The following CSGALNACT1 variants were observed in gnomAD, a reference collection of about 807,000 sequenced individuals.
CSGALNACT1 encodes beta4GalNAcT-1.
A neutral mutation model predicts 51.0 loss-of-function variants in CSGALNACT1; 52 were observed. That is an observed-to-expected ratio of 1.02 (90% CI 0.82 to 1.29). The LOEUF (loss-of-function observed/expected upper bound fraction) is 1.29. CSGALNACT1 is among the 50% of genes most tolerant of loss of function. The probability of loss-of-function intolerance (pLI) is 0.00; values close to 1 mark genes in which losing one functional copy is unlikely to be tolerated. For synonymous variants in CSGALNACT1, 341 were observed against 254.4 expected (o/e 1.34, Z -3.24); for missense variants, 935 against 679.2 (o/e 1.38, Z -4.19).
At chr8:19,502,923 G>A (rs1419637622) in intron 4 of CSGALNACT1, among the ~76,000 whole-genome samples, 2 of 151,760 alleles carry the variant, frequency 1.3e-5, no homozygotes, top group Non-Finnish European at 2.9e-5. Context: ...TCACCCAGTT[G>A]ATGATAGAAT....
intron 1 of CSGALNACT1, among the ~76,000 whole-genome samples, chr8:19,641,229 A>G (rs769772490): frequency 9.5e-5 from 14 of 147,046 alleles, no homozygotes; most frequent in Non-Finnish European, 2.1e-4. Flanking sequence ...TCCAGGTACC[A>G]CAACGCCAGC....
intron 4 of CSGALNACT1, among the ~76,000 whole-genome samples, chr8:19,501,987 C>CA (rs1282782621): frequency 6.6e-6 from 1 of 152,066 alleles, no homozygotes; most frequent in Non-Finnish European, 1.5e-5. Context: ...AAAAGAGAGA[C>CA]AAAAAATCAC....
chr8:19,629,436 T>G lies in CSGALNACT1; in HGVS notation c.-543-27571A>C, dbSNP rs17128743. Among the ~76,000 whole-genome samples the G allele has an allele frequency of 6.2e-3, 951 of 152,346 alleles. 17 individuals are homozygous for G. The highest frequency in any genetic ancestry group is 0.022 in the African/African-American group (902 of 41,588). ...CTCGTAGGTAACTATGAAGCAGGTA[T>G]AGCTGTTCCCATTTCATAGATATGG... On this transcript the variant is annotated intron_variant, in intron 1 of 9. Coordinates refer to the CSGALNACT1 transcript ENST00000332246.
chr8:19,748,683 G>T (rs1385756997), intron 1 of CSGALNACT1, among the ~76,000 whole-genome samples: 1 of 152,178 alleles, frequency 6.6e-6, no homozygotes, highest in Non-Finnish European at 1.5e-5. Context: ...GAATTAAGTA[G>T]GCTGAGCGCA....
rs558849636 is a variant in CSGALNACT1 at position 19,466,534 on chromosome 8, G to C, written c.635-7892C>G. On this transcript the variant is annotated intron_variant, in intron 4 of 9. Transcript: ENST00000454498. ...TTTTTATTTTTTATACTATTTTGTT[G>C]TCTCACTTATCCAGAAAATTCTGCT... 3.9e-5 allele frequency among the ~76,000 whole-genome samples: 6 copies of C among 152,114 alleles called. No homozygotes were observed. The East Asian group carries it at 1.2e-3, about 29-fold the overall frequency.
chr8:19,528,246 T>C (rs774121972), intron 3 of CSGALNACT1, among the ~76,000 whole-genome samples: 1 of 151,792 alleles, frequency 6.6e-6, no homozygotes, highest in Non-Finnish European at 1.5e-5. Flanking sequence ...CCGAACACCA[T>C]TTTCCGACTC....
chr8:19,703,141 T>C (rs2061973980), intron 1 of CSGALNACT1, among the ~76,000 whole-genome samples: 1 of 152,096 alleles, frequency 6.6e-6, no homozygotes, highest in African/African-American at 2.4e-5. Context: ...TCTGATCTAT[T>C]ACCAAAATAA....
At chr8:19,599,515 A>AGAAAGAAAGAAC in intron 2 of CSGALNACT1, among the ~76,000 whole-genome samples, 2 of 149,784 alleles carry the variant, frequency 1.3e-5, no homozygotes, top group Non-Finnish European at 3.0e-5. Context: ...AAAGAAAGAA[A>AGAAAGAAAGAAC]GAAAGAAAGA....
At chr8:19,438,901 C>A (rs977633025) in intron 6 of CSGALNACT1, among the ~76,000 whole-genome samples, 1 of 152,130 alleles carries the variant, frequency 6.6e-6, no homozygotes, top group Non-Finnish European at 1.5e-5. Context: ...AGAATCTTAC[C>A]CTTCGACTAT....
chr8:19,634,672 T>TA (rs543595318), intron 1 of CSGALNACT1, among the ~76,000 whole-genome samples: 98 of 152,068 alleles, frequency 6.4e-4, no homozygotes, highest in African/African-American at 2.0e-3. Context: ...ATATTTTTTT[T>TA]AAAAAAGATG....
intron 3 of CSGALNACT1, among the ~76,000 whole-genome samples, chr8:19,530,765 A>G (rs1286004631): frequency 6.6e-6 from 1 of 152,220 alleles, no homozygotes; most frequent in Non-Finnish European, 1.5e-5. Context: ...TTGATTGTCC[A>G]TGAAGTTAGT....
rs111666771 is a variant in CSGALNACT1 at position 19,626,608 on chromosome 8, A to C, written c.-543-24743T>G. Among the ~76,000 whole-genome samples the C allele has an allele frequency of 3.2e-3, 480 of 152,378 alleles. 3 individuals are homozygous for C. Among genetic ancestry groups the C allele is most frequent in the African/African-American group, 0.011 (464 of 41,598 alleles). On this transcript the variant is annotated intron_variant, in intron 1 of 9. Transcript: ENST00000332246. ...TCAATTCATTATAAATTTGTTTTCC[A>C]CAAAGTATCTTGGGAATAGGATGAA...
intron 1 of CSGALNACT1, among the ~76,000 whole-genome samples, chr8:19,750,987 TACATTA>T (rs2064993427): frequency 1.3e-5 from 2 of 152,150 alleles, no homozygotes; most frequent in South Asian, 4.1e-4. Context: ...CACAAACCTA[TACATTA>T]AAAGTGCTGA....
intron 5 of CSGALNACT1, among the ~76,000 whole-genome samples, chr8:19,448,601 G>A (rs531864025): frequency 6.6e-6 from 1 of 152,072 alleles, no homozygotes; most frequent in African/African-American, 2.4e-5. Flanking sequence ...TTTCCACTGG[G>A]TGCCAGGGAA....
chr8:19,483,176 G>A (rs990885851), intron 4 of CSGALNACT1, among the ~76,000 whole-genome samples: 1 of 152,148 alleles, frequency 6.6e-6, no homozygotes, highest in African/African-American at 2.4e-5. Context: ...TACAACAACA[G>A]CTCTTTGTCC....
At chr8:19,655,272 G>A (rs915042102) in intron 1 of CSGALNACT1, among the ~76,000 whole-genome samples, 7 of 152,028 alleles carry the variant, frequency 4.6e-5, no homozygotes, top group Admixed American at 2.6e-4. Flanking sequence ...TTTATGACAC[G>A]GTATGCCATC....
In CSGALNACT1 at chr8:19,418,643, G is replaced by A. The variant is rs2057345611; in HGVS notation, c.1227+13C>T. On this transcript the variant is annotated intron_variant, in intron 8 of 9. Coordinates refer to ENST00000454498, the Ensembl canonical transcript of CSGALNACT1. ...CAGAGCCACACAGAGCCATCTGCAG[G>A]GTAATTACTCACCAGCTGCTGTTCC... 1.1e-5 allele frequency: 17 copies of A among 1,569,686 alleles called. No individual in the cohort carries two copies. The highest frequency in any genetic ancestry group is 1.4e-5 in the Non-Finnish European group (16 of 1,139,728).
intron 1 of CSGALNACT1, among the ~76,000 whole-genome samples, chr8:19,658,032 C>G (rs2058434356): frequency 7.9e-6 from 1 of 126,014 alleles, no homozygotes; most frequent in Non-Finnish European, 1.6e-5. Context: ...TTACTCTAGA[C>G]TGAATATGTG....
chr8:19,554,777 G>A (rs188170658), intron 3 of CSGALNACT1, among the ~76,000 whole-genome samples: 42 of 152,138 alleles, frequency 2.8e-4, no homozygotes, highest in African/African-American at 9.9e-4. Flanking sequence ...AATTAGCTGG[G>A]TGTGGTGGCA....
Sources: gnomAD v4.1 joint callset for allele counts (sites outside exome capture counted in the v4.1 genomes callset) on GRCh38, gnomAD v4.1.1 for gene constraint, MANE v1.5 for transcripts, NCBI Gene and HGNC (gene_info 2026-07-23, HGNC 2026-07-21) for gene names.